Variants in KCNC4 observed in about 807,000 individuals in gnomAD.
KCNC4 encodes voltage-gated potassium channel KCNC4.
Under a neutral mutation model 42.8 loss-of-function variants are expected in KCNC4, and 23 were observed. The ratio of observed to expected loss-of-function variants is 0.54; its 90% CI spans 0.39 to 0.76. The LOEUF is 0.76. Among genes scored for constraint, KCNC4 ranks in the 30% least tolerant of loss-of-function variants. KCNC4 has a pLI of 0.00. For missense variants in KCNC4, 751 were observed against 898.2 expected, an observed-to-expected ratio of 0.84 and a Z score of 2.10; for synonymous variants, 422 against 393.5, an observed-to-expected ratio of 1.07 and a Z score of -0.86.
chr1:110,247,386 T>C (rs570158392), exon 4 of KCNC4: 2 of 152,368 alleles, frequency 1.3e-5, no homozygotes, highest in Admixed American at 1.3e-4. Context: ...AAGTTTTAAT[T>C]TTTTGTAGAG....
At chr1:110,275,954 C>CAAAAAAA (rs61372696) in intron 1 of KCNC4, among the ~76,000 whole-genome samples, 1 of 106,236 alleles carries the variant, frequency 9.4e-6, no homozygotes. Flanking sequence ...GACTCCGCCT[C>CAAAAAAA]AAAAAAAAAA....
intron 3 of KCNC4, among the ~76,000 whole-genome samples, chr1:110,229,929 CTAAG>C (rs1658610216): frequency 6.6e-6 from 1 of 152,192 alleles, no homozygotes; most frequent in Non-Finnish European, 1.5e-5. Flanking sequence ...GAGAGAATGA[CTAAG>C]TAAGGTCCAG....
intron 3 of KCNC4, among the ~76,000 whole-genome samples, chr1:110,228,269 A>T (rs1658510052): frequency 6.6e-6 from 1 of 152,152 alleles, no homozygotes; most frequent in South Asian, 2.1e-4. Context: ...AAGAAGGCTG[A>T]TGCTGGAGGC....
At chr1:110,240,531 C>T (rs1169146539) in exon 4 of KCNC4, 2 of 152,422 alleles carry the variant, frequency 1.3e-5, no homozygotes, top group African/African-American at 2.4e-5. Flanking sequence ...ACCTTTCCTC[C>T]TTGCCTCAGC....
intron 1 of KCNC4, among the ~76,000 whole-genome samples, chr1:110,257,540 C>G (rs1224005025): frequency 6.7e-6 from 1 of 150,356 alleles, no homozygotes; most frequent in Non-Finnish European, 1.5e-5. Flanking sequence ...ATGGTGAAAC[C>G]CTGTCTCTAC....
At chr1:110,258,111 T>G (rs935191374) in intron 1 of KCNC4, among the ~76,000 whole-genome samples, 1 of 152,208 alleles carries the variant, frequency 6.6e-6, no homozygotes, top group Non-Finnish European at 1.5e-5. Context: ...GAATGAAGAA[T>G]GATATTGGGA....
intron 1 of KCNC4, among the ~76,000 whole-genome samples, chr1:110,215,899 C>T (rs1657769747): frequency 6.6e-6 from 1 of 152,242 alleles, no homozygotes; most frequent in Non-Finnish European, 1.5e-5. Context: ...CCTCTGGCTC[C>T]TGCCCAGAGA....
chr1:110,281,704 T>C (rs1659831527), intron 1 of KCNC4, among the ~76,000 whole-genome samples: 1 of 152,132 alleles, frequency 6.6e-6, no homozygotes, highest in Non-Finnish European at 1.5e-5. Flanking sequence ...CTATAAATTT[T>C]AGGAGAAGGG....
chr1:110,227,018 G>A (rs931380601), intron 3 of KCNC4, among the ~76,000 whole-genome samples: 8 of 152,130 alleles, frequency 5.3e-5, no homozygotes, highest in Non-Finnish European at 1.0e-4. Context: ...CCCAGTTTTC[G>A]ATCACTTATT....
chr1:110,254,097 G>A (rs982764864), downstream of KCNC4, among the ~76,000 whole-genome samples: 11 of 135,794 alleles, frequency 8.1e-5, 2 homozygotes, highest in South Asian at 4.7e-4. Flanking sequence ...AGTCGGGGGG[G>A]GGGCGGCGTT....
chr1:110,270,594 A>C (rs1226583084), intron 1 of KCNC4, among the ~76,000 whole-genome samples: 1 of 152,226 alleles, frequency 6.6e-6, no homozygotes, highest in African/African-American at 2.4e-5. Flanking sequence ...GGGTGTGAGC[A>C]CAAACCAGGA....
At chr1:110,264,227 A>G (rs1659501069) in intron 1 of KCNC4, among the ~76,000 whole-genome samples, 1 of 152,208 alleles carries the variant, frequency 6.6e-6, no homozygotes. Context: ...GGTTACAGGC[A>G]AAGTCATAAA....
intron 1 of KCNC4, among the ~76,000 whole-genome samples, chr1:110,267,661 C>G (rs1173347237): frequency 6.6e-6 from 1 of 152,202 alleles, no homozygotes. Context: ...CATTCTTAAT[C>G]CTCCTTGCCC....
chr1:110,231,753 A>G (rs573728635), intron 3 of KCNC4, among the ~76,000 whole-genome samples: 1 of 152,174 alleles, frequency 6.6e-6, no homozygotes, highest in South Asian at 2.1e-4. Context: ...CTCTGATTTC[A>G]AGGATAGTAC....
chr1:110,270,240 T>A (rs1235797019), intron 1 of KCNC4, among the ~76,000 whole-genome samples: 1 of 152,136 alleles, frequency 6.6e-6, no homozygotes, highest in Non-Finnish European at 1.5e-5. Context: ...GTCCTTTCTG[T>A]TTGGATGTTG....
chr1:110,255,979 G>A (rs1490663814), intron 1 of KCNC4, among the ~76,000 whole-genome samples: 1 of 152,202 alleles, frequency 6.6e-6, no homozygotes, highest in Non-Finnish European at 1.5e-5. Context: ...GAAGGTGGCA[G>A]GGCCATTTTG....
At chr1:110,232,201 G>A (rs1658727880) in intron 3 of KCNC4, 1 of 1,612,634 alleles carries the variant, frequency 6.2e-7, no homozygotes, top group East Asian at 2.2e-5. Flanking sequence ...ACTATTTCCT[G>A]ACCTTCTCTC....
chr1:110,264,107 CCG>C (rs1433885439), intron 1 of KCNC4, among the ~76,000 whole-genome samples: 1 of 152,132 alleles, frequency 6.6e-6, no homozygotes, highest in Non-Finnish European at 1.5e-5. Flanking sequence ...ATGAAAGAAA[CCG>C]AGGCATTTAT....
Position 110,226,164 on chromosome 1 carries a change from G to A in KCNC4, c.1805G>A (p.Gly602Asp). ...LSTGDYACAD[G>D]SVRKETCQDA... ...ACTGGGGACTATGCCTGCGCCGATG[G>A]TAGTGTCCGGAAAGGTATGGCTTCC... Residue 602 changes from glycine to aspartate, a missense_variant, in exon 3 of 4, where the codon GGT (glycine) becomes GAT (aspartate). Transcript: ENST00000438661. 6.2e-7 allele frequency: 1 copy of A among 1,614,148 alleles called. No individual in the cohort carries two copies. Among genetic ancestry groups the A allele is most frequent in the Admixed American group, 1.7e-5 (1 of 60,022 alleles).
Sources: allele counts gnomAD v4.1 joint callset (sites outside exome capture counted in the v4.1 genomes callset), GRCh38; gene constraint gnomAD v4.1.1; transcripts MANE v1.5; gene names NCBI Gene and HGNC (gene_info 2026-07-23, HGNC 2026-07-21).